Variants in CLTC observed in about 807,000 individuals in gnomAD.
CLTC encodes clathrin heavy chain.
Under a neutral mutation model 195.8 loss-of-function variants are expected in CLTC, and 16 were observed. The observed-to-expected ratio is 0.08, with a 90% CI of 0.06 to 0.12. CLTC has a LOEUF of 0.12. Ranked by LOEUF, CLTC falls within the 10% of genes least tolerant of loss-of-function variation. The pLI, the probability that CLTC is intolerant of heterozygous loss-of-function variation, is 1.00. For synonymous variants in CLTC, 667 were observed against 689.4 expected (o/e 0.97, Z 0.51); for missense variants, 796 against 2,027.0 (o/e 0.39, Z 11.66).
rs1186340281 is a variant in CLTC at position 59,647,473 on chromosome 17, C to A, written c.326C>A (p.Thr109Asn). Residue 109 changes from threonine (T) to asparagine (N), a missense_variant, in exon 3 of 32, where the codon ACC becomes AAC. By Grantham distance (65) the Thr-to-Asn change is moderately conservative. This residue lies in a region of CLTC where 293 missense variants were observed against 795.6 expected (regional missense o/e 0.37). Coordinates refer to ENST00000269122, the MANE Select transcript of CLTC (RefSeq NM_004859.4). The part of the protein sequence containing the change: ...MKAHTMTDDV[T>N]FWKWISLNTV... ...GCTCATACCATGACTGATGATGTCA[C>A]CTTTTGGAAATGGATCTCTTTGAAT... 9.3e-6 allele frequency: 15 copies of A among 1,613,756 alleles called. No homozygotes were observed. The highest frequency in any genetic ancestry group is 3.3e-4 in the Middle Eastern group (2 of 6,084).
At chr17:59,645,698 G>A (rs902039733) in intron 2 of CLTC, among the ~76,000 whole-genome samples, 2 of 152,160 alleles carry the variant, frequency 1.3e-5, no homozygotes, top group Non-Finnish European at 2.9e-5. Context: ...AGAGTGAATA[G>A]GGTTGGGTAG....
Position 59,681,338 on chromosome 17 carries a change from C to G in CLTC, c.3109C>G (p.Arg1037Gly). The stretch of plus-strand genomic sequence containing the variant: ...TATCCTCACTGCAATTAAGGCTGAC[C>G]GTACACGTGTTATGGAGTATATTAA... ...LLILTAIKADRTRVMEYINRL... is the reference protein window; with the variant it reads ...LLILTAIKADGTRVMEYINRL... Residue 1037 changes from arginine (R) to glycine (G), a missense_variant, in exon 20 of 32, where the codon CGT becomes GGT. Around this residue, in one of 9 missense-constraint regions of CLTC, gnomAD observed 160 missense variants for 448.2 expected, o/e 0.36. Coordinates refer to ENST00000269122, the MANE Select transcript of CLTC (RefSeq NM_004859.4). This position sits in a 1 kb window ranked among gnomAD's most constrained non-coding sequence, Gnocchi z 5.0. 6.2e-7 allele frequency: 1 copy of G among 1,613,770 alleles called. No individual in the cohort carries two copies. The highest frequency in any genetic ancestry group is 8.5e-7 in the Non-Finnish European group (1 of 1,179,872).
intron 28 of CLTC, 86 bp from the exon 29 acceptor site, chr17:59,684,970 C>A: frequency 1.9e-6 from 2 of 1,030,976 alleles, no homozygotes; most frequent in Non-Finnish European, 2.7e-6. Flanking sequence ...TTACATGTTA[C>A]CATCTAAGGG....
chr17:59,621,488 G>T (rs1446861747), intron 1 of CLTC, among the ~76,000 whole-genome samples: 1 of 152,110 alleles, frequency 6.6e-6, no homozygotes, highest in East Asian at 1.9e-4. Flanking sequence ...AAGGATTCTT[G>T]TTAATAAAAG....
At chr17:59,659,827 T>C (rs1439330758) in intron 6 of CLTC, among the ~76,000 whole-genome samples, 1 of 152,174 alleles carries the variant, frequency 6.6e-6, no homozygotes, top group Non-Finnish European at 1.5e-5. Context: ...TCATTGAGTA[T>C]ATAATCTGCT....
intron 14 of CLTC, among the ~76,000 whole-genome samples, chr17:59,670,335 G>C (rs1375336878): frequency 1.3e-5 from 2 of 151,634 alleles, no homozygotes; most frequent in African/African-American, 4.9e-5. Context: ...GGGCAGGTTT[G>C]TTATATAGGT....
chr17:59,642,611 A>G (rs1449020066), intron 1 of CLTC, among the ~76,000 whole-genome samples: 1 of 152,222 alleles, frequency 6.6e-6, no homozygotes, highest in Non-Finnish European at 1.5e-5. Flanking sequence ...TAAAGTCAGG[A>G]AGAAGTTAAA....
intron 1 of CLTC, among the ~76,000 whole-genome samples, chr17:59,634,790 C>CT (rs2143467049): frequency 6.6e-6 from 1 of 152,304 alleles, no homozygotes; most frequent in South Asian, 2.1e-4. Flanking sequence ...GATGGAAGAA[C>CT]TAAAGGAATG....
chr17:59,677,307 A>G (rs548108591), intron 17 of CLTC, 119 bp downstream of exon 17: 1 of 695,262 alleles, frequency 1.4e-6, no homozygotes, highest in Admixed American at 2.7e-5. Flanking sequence ...CTTTTTTAAA[A>G]CTTTATTTGG....
intron 1 of CLTC, among the ~76,000 whole-genome samples, chr17:59,642,306 A>G (rs2032061184): frequency 6.6e-6 from 1 of 152,128 alleles, no homozygotes; most frequent in East Asian, 1.9e-4. Flanking sequence ...TATTTGACTA[A>G]CACTATTTTT....
intron 30 of CLTC, 42 bp from the exon 31 acceptor site, chr17:59,690,594 A>C: frequency 7.0e-7 from 1 of 1,423,446 alleles, no homozygotes; most frequent in Non-Finnish European, 9.8e-7. Flanking sequence ...TAGGTTTATA[A>C]TACTTTTGGG....
intron 1 of CLTC, among the ~76,000 whole-genome samples, chr17:59,641,537 G>A (rs577202000): frequency 1.5e-5 from 2 of 132,536 alleles, no homozygotes; most frequent in South Asian, 5.1e-4. Context: ...GGAGGCAGAG[G>A]TTGTAGTGAG....
At chr17:59,658,187 A>G (rs1249999299) in intron 6 of CLTC, among the ~76,000 whole-genome samples, 1 of 152,040 alleles carries the variant, frequency 6.6e-6, no homozygotes, top group Non-Finnish European at 1.5e-5. Flanking sequence ...TGGGTAACAG[A>G]GCGAGACTCC....
At position 59,682,860 on chromosome 17, in the gene CLTC, A is replaced by C; in HGVS notation, c.3766-47A>C. ...TATTTAAACATTAGTTTAAATAACT[A>C]GCCATGTTTTACATTTGAGTTCACA... On this transcript the variant is annotated intron_variant, in intron 23 of 31. Transcript: ENST00000269122. The surrounding 1 kb of genome is among the most constrained non-coding windows in gnomAD (Gnocchi z 6.8). 2 of 1,611,194 alleles carry C rather than the reference A, an allele frequency of 1.2e-6. No individual in the cohort carries two copies. Among genetic ancestry groups the C allele is most frequent in the African/African-American group, 1.3e-5 (1 of 74,898 alleles).
intron 13 of CLTC, 97 bp from the exon 14 acceptor site, chr17:59,668,680 G>T: frequency 1.0e-6 from 1 of 980,124 alleles, no homozygotes; most frequent in Non-Finnish European, 1.4e-6. Context: ...CTTATATTTG[G>T]GAGTATTCAA....
chr17:59,622,614 A>T (rs1017095424), intron 1 of CLTC, among the ~76,000 whole-genome samples: 2 of 152,134 alleles, frequency 1.3e-5, no homozygotes, highest in African/African-American at 4.8e-5. Context: ...GGCTCAAGCA[A>T]TCCTTTGCCT....
rs2033151513 is a variant in CLTC, at chr17:59,684,971, C to CTA, written c.4435-85_4435-84insTA. 9.5e-6 allele frequency: 10 copies of CTA among 1,049,992 alleles called. No individual in the cohort carries two copies. The South Asian group carries it at 2.0e-4, about 21-fold the overall frequency. The allele number at this position is 1,049,992 out of a possible 1,614,324, so 65.0% of individuals were successfully genotyped here. A position where few individuals can be genotyped will look rare whatever the true frequency, so the allele number is the denominator to read the frequency against. On this transcript the variant is annotated intron_variant, in intron 28 of 31. Coordinates refer to ENST00000269122, the MANE Select transcript of CLTC (RefSeq NM_004859.4). Reference sequence around the variant, plus strand: ...ATCTAGGTGTCATATTACATGTTACCATCTAAGGGGCTCATTGATTGAGAA... The same window carrying CTA: ...ATCTAGGTGTCATATTACATGTTACCTAATCTAAGGGGCTCATTGATTGAGAA...
chr17:59,668,250 G>A (rs956917335), intron 13 of CLTC, among the ~76,000 whole-genome samples: 1 of 152,162 alleles, frequency 6.6e-6, no homozygotes, highest in African/African-American at 2.4e-5. Context: ...AGGTATTGGG[G>A]TCTTCATTTA....
intron 5 of CLTC, 95 bp from the exon 6 acceptor site, chr17:59,655,759 A>G: frequency 9.8e-7 from 1 of 1,023,818 alleles, no homozygotes; most frequent in Non-Finnish European, 1.4e-6. Flanking sequence ...CTTGTTCTGG[A>G]ATTTTACCAT....
Sources: gnomAD v4.1 joint callset for allele counts (sites outside exome capture counted in the v4.1 genomes callset) on GRCh38, gnomAD v4.1.1 for gene constraint, gnomAD v4.1.1 regional missense constraint, Gnocchi (gnomAD v3.1) non-coding constraint, MANE v1.5 for transcripts, NCBI Gene and HGNC (gene_info 2026-07-23, HGNC 2026-07-21) for gene names.